DCUN1D1: variants seen among roughly 807,000 people sequenced by gnomAD.
DCUN1D1 encodes the protein DCN1-like protein 1.
Under a neutral mutation model 39.0 loss-of-function variants are expected in DCUN1D1, and 3 were observed. The ratio of observed to expected loss-of-function variants is 0.08; its 90% CI spans 0.04 to 0.20. DCUN1D1 has a LOEUF of 0.20. Among genes scored for constraint, DCUN1D1 ranks in the 10% least tolerant of loss-of-function variants. The pLI is 1.00. For missense variants in DCUN1D1, 158 were observed against 302.4 expected (o/e 0.52, Z 3.54); for synonymous variants, 82 against 96.3 (o/e 0.85, Z 0.87).
intron 4 of DCUN1D1, 50 bp from the exon 5 acceptor site, chr3:182,947,682 C>A: frequency 9.1e-7 from 1 of 1,097,908 alleles, no homozygotes; most frequent in Non-Finnish European, 1.3e-6. Flanking sequence ...AATATTTGTC[C>A]CTGCAAAAAT....
At chr3:182,945,529 G>A (rs1382091763) in intron 6 of DCUN1D1, among the ~76,000 whole-genome samples, 2 of 152,154 alleles carry the variant, frequency 1.3e-5, no homozygotes, top group African/African-American at 4.8e-5. Context: ...GTGAACCCGG[G>A]AGGCGGAGCT....
At position 182,943,238 on chromosome 3, in the gene DCUN1D1, T is replaced by TATATATAG. The variant is rs1211234631; in HGVS notation, c.*1848_*1855dup. ...TCAAGACAGGAAACAAAACAGTACATATATATAGATATATAGATATATATA... is the reference window on the plus strand; with the variant it reads ...TCAAGACAGGAAACAAAACAGTACATATATATAGATATATAGATATATAGATATATATA... On this transcript the variant is annotated 3_prime_UTR_variant, in exon 7 of 7. Transcript: ENST00000292782. 6.9e-6 allele frequency: 1 copy of TATATATAG among 145,612 alleles called. No homozygotes were observed. The highest frequency in any genetic ancestry group is 1.5e-5 in the Non-Finnish European group (1 of 66,504). The allele number at this position is 145,612 out of a possible 1,614,324, so 9.0% of individuals were successfully genotyped here. A position where few individuals can be genotyped will look rare whatever the true frequency, so the allele number is the denominator to read the frequency against.
intron 1 of DCUN1D1, among the ~76,000 whole-genome samples, chr3:182,971,576 T>C (rs1312597706): frequency 1.6e-5 from 2 of 123,994 alleles, no homozygotes; most frequent in African/African-American, 6.1e-5. Flanking sequence ...GACCCTATCT[T>C]AAAAAAAAAA....
intron 4 of DCUN1D1, among the ~76,000 whole-genome samples, chr3:182,955,136 G>C (rs965862405): frequency 2.6e-5 from 4 of 152,012 alleles, no homozygotes; most frequent in African/African-American, 9.7e-5. Context: ...TGCCTCCAGG[G>C]TTCAAGGGAT....
Position 182,965,548 on chromosome 3 carries a change from T to C in DCUN1D1, c.209A>G (p.Asn70Ser), listed in dbSNP as rs371845694. Residue 70 changes from asparagine to serine, a missense_variant, in exon 2 of 7, where the codon AAT (asparagine) becomes AGT (serine). Around this residue, in one of 4 missense-constraint regions of DCUN1D1, gnomAD observed 107 missense variants for 174.7 expected, o/e 0.61. Coordinates refer to ENST00000292782, the MANE Select transcript of DCUN1D1 (RefSeq NM_020640.4). ...AAGCAAGCACTCACCTTTGTATCTA[T>C]TGTACAGCTGTTCTAACTTCTTCCT... ...LDRKKLEQLYNRYKDPQDENK... is the reference protein window; with the variant it reads ...LDRKKLEQLYSRYKDPQDENK... 105 of 1,611,686 alleles carry C rather than the reference T, an allele frequency of 6.5e-5. No individual in the cohort carries two copies. The highest frequency in any genetic ancestry group is 8.4e-5 in the Non-Finnish European group (99 of 1,178,190).
chr3:182,955,296 T>C, intron 4 of DCUN1D1: 1 of 543,778 alleles, frequency 1.8e-6, no homozygotes. Flanking sequence ...CAAATCATCA[T>C]CACTTTCTTC....
rs1726198466 is a variant in DCUN1D1, at chr3:182,942,850, T to A, written c.*2244A>T. On this transcript the variant is annotated 3_prime_UTR_variant, in exon 7 of 7. Transcript: ENST00000292782. ...GAATAATCACACCACATTAAATCAG[T>A]CTTCTCTTTTCAGCCCTAGTAAAAG... 1 of 151,512 alleles carries A rather than the reference T, an allele frequency of 6.6e-6. No individual in the cohort carries two copies. The highest frequency in any genetic ancestry group is 1.5e-5 in the Non-Finnish European group (1 of 67,748). 9.4% of individuals were successfully genotyped at this position (151,512 alleles called of 1,614,324 possible). A position where few individuals can be genotyped will look rare whatever the true frequency, so the allele number is the denominator to read the frequency against.
intron 1 of DCUN1D1, among the ~76,000 whole-genome samples, chr3:182,971,477 G>A (rs911875298): frequency 6.6e-6 from 1 of 151,980 alleles, no homozygotes; most frequent in Non-Finnish European, 1.5e-5. Flanking sequence ...GGAGGCTGCG[G>A]TGGGAGGATC....
chr3:182,982,124 A>G (rs1560187633), upstream of DCUN1D1, among the ~76,000 whole-genome samples: 1 of 152,184 alleles, frequency 6.6e-6, no homozygotes, highest in East Asian at 1.9e-4. Flanking sequence ...AAGCTCTACC[A>G]AGGTACAGGC....
Position 182,944,816 on chromosome 3 carries a change from G to C in DCUN1D1, c.*278C>G. 1 of 306,228 alleles carries C rather than the reference G, an allele frequency of 3.3e-6. No homozygotes were observed. Among genetic ancestry groups the C allele is most frequent in the Admixed American group, 4.7e-5 (1 of 21,270 alleles). The allele number at this position is 306,228 out of a possible 1,614,324, so 19.0% of individuals were successfully genotyped here. A position where few individuals can be genotyped will look rare whatever the true frequency, so the allele number is the denominator to read the frequency against. Reference sequence around the variant, plus strand: ...CACCATAAAGCTTCTAAGACTTATGGGAGAATAAACTAGGATGGTCCACAG... The same window carrying C: ...CACCATAAAGCTTCTAAGACTTATGCGAGAATAAACTAGGATGGTCCACAG... On this transcript the variant is annotated 3_prime_UTR_variant, in exon 7 of 7. Transcript: ENST00000292782.
upstream of DCUN1D1, chr3:182,980,681 G>A (rs1414631122): frequency 2.4e-5 from 16 of 658,160 alleles, no homozygotes; most frequent in African/African-American, 4.0e-5. Flanking sequence ...AGGGCGCCCC[G>A]CGCGGGGCTT....
In DCUN1D1 at chr3:182,945,193, T is replaced by A. The variant is rs760403543; in HGVS notation, c.701-20A>T. On this transcript the variant is annotated intron_variant, in intron 6 of 6. Coordinates refer to ENST00000292782, the MANE Select transcript of DCUN1D1 (RefSeq NM_020640.4). ...ATGCTCCTGGAAAAAAGAAAAAATA[T>A]GAAAGAAAGAGAAGGGGGAAAAAAG... The A allele has an allele frequency of 6.3e-7, 1 of 1,582,578 alleles. No individual in the cohort carries two copies. The highest frequency in any genetic ancestry group is 1.2e-5 in the South Asian group (1 of 86,216).
At chr3:182,967,283 A>G (rs1727720724) in intron 1 of DCUN1D1, among the ~76,000 whole-genome samples, 1 of 151,958 alleles carries the variant, frequency 6.6e-6, no homozygotes, top group Admixed American at 6.6e-5. Context: ...AGGTTAAGGC[A>G]TTTGTTCAAA....
intron 4 of DCUN1D1, among the ~76,000 whole-genome samples, chr3:182,950,374 C>G (rs997475376): frequency 6.6e-6 from 1 of 152,004 alleles, no homozygotes; most frequent in Non-Finnish European, 1.5e-5. Context: ...TCTCTATCTC[C>G]TGACCTTGTG....
intron 1 of DCUN1D1, among the ~76,000 whole-genome samples, chr3:182,967,703 C>T (rs1727741952): frequency 6.6e-6 from 1 of 152,186 alleles, no homozygotes; most frequent in Non-Finnish European, 1.5e-5. Context: ...TTGCAAAACA[C>T]ATCCCTCAAG....
intron 3 of DCUN1D1, 93 bp downstream of exon 3, chr3:182,963,788 G>A: frequency 9.1e-7 from 1 of 1,098,408 alleles, no homozygotes. Flanking sequence ...ATGTTTGTGG[G>A]CCAGCAAATC....
chr3:182,954,288 T>G (rs533130927), intron 4 of DCUN1D1, among the ~76,000 whole-genome samples: 4 of 152,232 alleles, frequency 2.6e-5, no homozygotes, highest in African/African-American at 7.2e-5. Flanking sequence ...TTCACAGAAC[T>G]ATTTTGCTAC....
intron 1 of DCUN1D1, among the ~76,000 whole-genome samples, chr3:182,978,238 TG>T (rs1440708690): frequency 6.6e-6 from 1 of 152,150 alleles, no homozygotes; most frequent in Non-Finnish European, 1.5e-5. Context: ...GGAAATGGGC[TG>T]CAGCTACAGA....
intron 1 of DCUN1D1, among the ~76,000 whole-genome samples, chr3:182,978,154 T>G (rs1434603165): frequency 6.7e-6 from 1 of 150,276 alleles, no homozygotes; most frequent in Non-Finnish European, 1.5e-5. Context: ...TAACAGAACT[T>G]TTTTACTTAT....
Sources: allele counts gnomAD v4.1 joint callset (sites outside exome capture counted in the v4.1 genomes callset), GRCh38; gene constraint gnomAD v4.1.1; regional missense constraint gnomAD v4.1.1; transcripts MANE v1.5; gene names NCBI Gene and HGNC (gene_info 2026-07-23, HGNC 2026-07-21).